Variants in MAPKAP1 observed in about 807,000 individuals in gnomAD.
The protein encoded by MAPKAP1 is target of rapamycin complex 2 subunit MAPKAP1.
Under a neutral mutation model 65.7 loss-of-function variants are expected in MAPKAP1, and 20 were observed. The ratio of observed to expected loss-of-function variants is 0.30; its 90% CI spans 0.21 to 0.44. The LOEUF (loss-of-function observed/expected upper bound fraction) is 0.44, where lower values mean the gene tolerates loss of function less well. Among genes scored for constraint, MAPKAP1 ranks in the 20% least tolerant of loss-of-function variants. The pLI is 1.00. For synonymous variants in MAPKAP1, 222 were observed against 244.3 expected (o/e 0.91, Z 0.85); for missense variants, 423 against 648.0 (o/e 0.65, Z 3.77).
chr9:125,571,226 G>A (rs897232709), intron 5 of MAPKAP1, among the ~76,000 whole-genome samples: 2 of 152,108 alleles, frequency 1.3e-5, no homozygotes, highest in Non-Finnish European at 2.9e-5. Context: ...CATTATAATT[G>A]TTATGTAAAA....
intron 4 of MAPKAP1, among the ~76,000 whole-genome samples, chr9:125,624,661 G>C (rs1326564780): frequency 1.5e-5 from 1 of 66,432 alleles, no homozygotes. Flanking sequence ...TCCGGGAGGT[G>C]AGGGGCGCCT....
intron 1 of MAPKAP1, among the ~76,000 whole-genome samples, chr9:125,695,215 T>C (rs2131861451): frequency 6.6e-6 from 1 of 152,336 alleles, no homozygotes; most frequent in East Asian, 1.9e-4. Flanking sequence ...CATACCAGCA[T>C]CTTAAGCAAA....
chr9:125,573,984 G>A (rs369217550), intron 5 of MAPKAP1, among the ~76,000 whole-genome samples: 7 of 152,130 alleles, frequency 4.6e-5, no homozygotes, highest in African/African-American at 7.2e-5. Context: ...TCCTGAAAGC[G>A]AGACCATGCC....
chr9:125,487,320 A>T (rs1854527558), intron 8 of MAPKAP1, among the ~76,000 whole-genome samples: 1 of 121,704 alleles, frequency 8.2e-6, no homozygotes, highest in Admixed American at 8.5e-5. Flanking sequence ...AGTTTCAAAT[A>T]ATCATTCACT....
intron 8 of MAPKAP1, among the ~76,000 whole-genome samples, chr9:125,495,433 G>A (rs1401460787): frequency 6.6e-6 from 1 of 152,140 alleles, no homozygotes; most frequent in Non-Finnish European, 1.5e-5. Flanking sequence ...CATCAAACAT[G>A]CTTCCTTACT....
At chr9:125,458,666 C>T (rs1452862733) in intron 10 of MAPKAP1, among the ~76,000 whole-genome samples, 154 of 150,496 alleles carry the variant, frequency 1.0e-3, no homozygotes, top group African/African-American at 3.5e-3. Flanking sequence ...TTTCCCCACC[C>T]CTCCCCCCTT....
intron 4 of MAPKAP1, chr9:125,596,240 C>A: frequency 1.3e-6 from 1 of 763,306 alleles, no homozygotes; most frequent in South Asian, 1.3e-5. Flanking sequence ...CTTCATCCAG[C>A]GAAAGAGGTC....
intron 4 of MAPKAP1, among the ~76,000 whole-genome samples, chr9:125,602,105 TAGAC>T (rs778438935): frequency 1.3e-5 from 2 of 151,818 alleles, no homozygotes; most frequent in Non-Finnish European, 2.9e-5. Flanking sequence ...ATTTAAAAAT[TAGAC>T]AGGTGTGACG....
chr9:125,511,998 T>A (rs1829315196), intron 7 of MAPKAP1, among the ~76,000 whole-genome samples: 1 of 152,230 alleles, frequency 6.6e-6, no homozygotes, highest in South Asian at 2.1e-4. Flanking sequence ...TTCCAAGTTA[T>A]AATACCCAGG....
intron 10 of MAPKAP1, among the ~76,000 whole-genome samples, chr9:125,457,002 T>A (rs1402854114): frequency 6.6e-6 from 1 of 151,886 alleles, no homozygotes; most frequent in African/African-American, 2.4e-5. Flanking sequence ...TTTTTTTTTT[T>A]TTTTGAGACA....
chr9:125,539,059 G>A (rs1328200528), intron 7 of MAPKAP1, among the ~76,000 whole-genome samples: 1 of 152,066 alleles, frequency 6.6e-6, no homozygotes, highest in African/African-American at 2.4e-5. Flanking sequence ...ACATTCTAGG[G>A]GTCTTGTGAA....
At chr9:125,644,671 A>G (rs955581663) in intron 4 of MAPKAP1, among the ~76,000 whole-genome samples, 1 of 152,214 alleles carries the variant, frequency 6.6e-6, no homozygotes, top group Non-Finnish European at 1.5e-5. Context: ...TTTAATGTGA[A>G]TAATAGCCTC....
At chr9:125,458,151 T>A (rs1363375115) in intron 10 of MAPKAP1, among the ~76,000 whole-genome samples, 1 of 152,180 alleles carries the variant, frequency 6.6e-6, no homozygotes, top group Non-Finnish European at 1.5e-5. Context: ...TTCAGTTTTC[T>A]CATCACTTAC....
chr9:125,458,223 T>A (rs1224616240), intron 10 of MAPKAP1, among the ~76,000 whole-genome samples: 1 of 152,000 alleles, frequency 6.6e-6, no homozygotes, highest in Non-Finnish European at 1.5e-5. Flanking sequence ...GAGTCTTTTT[T>A]TTTTTTTTTT....
At chr9:125,502,810 GTTGTT>G (rs1236153333) in intron 8 of MAPKAP1, among the ~76,000 whole-genome samples, 5 of 152,114 alleles carry the variant, frequency 3.3e-5, no homozygotes, top group Non-Finnish European at 5.9e-5. Flanking sequence ...AAGTTTAACT[GTTGTT>G]TTAAGTTTTC....
At chr9:125,561,784 G>C (rs141685295) in intron 5 of MAPKAP1, among the ~76,000 whole-genome samples, 118 of 152,298 alleles carry the variant, frequency 7.7e-4, no homozygotes, top group Admixed American at 2.6e-3. Flanking sequence ...AATATATGTA[G>C]TGTCTGGCAT....
chr9:125,612,449 G>A (rs1377970956), intron 4 of MAPKAP1, among the ~76,000 whole-genome samples: 1 of 151,908 alleles, frequency 6.6e-6, no homozygotes, highest in Non-Finnish European at 1.5e-5. Context: ...CTTTAATGGG[G>A]GGCGGCATGT....
chr9:125,625,255 T>TTAAA (rs1564589549), intron 4 of MAPKAP1, among the ~76,000 whole-genome samples: 31 of 64,688 alleles, frequency 4.8e-4, no homozygotes, highest in East Asian at 1.8e-3. Context: ...AATAAATAAA[T>TTAAA]AAAAAAAAAA....
At position 125,613,943 on chromosome 9, in the gene MAPKAP1, G is replaced by A. The variant is rs368153675; in HGVS notation, c.499-28216C>T. On this transcript the variant is annotated intron_variant, in intron 4 of 11. Coordinates refer to ENST00000265960, the MANE Select transcript of MAPKAP1 (RefSeq NM_001006617.3). Reference sequence around the variant, plus strand: ...CTCCCCAGTAGCTGGGACTACAGGCGCCCGCCACCACGCTCGGCTAATTTT... The same window carrying A: ...CTCCCCAGTAGCTGGGACTACAGGCACCCGCCACCACGCTCGGCTAATTTT... Among the ~76,000 whole-genome samples the A allele has an allele frequency of 1.2e-3, 178 of 152,034 alleles. 1 individual carries two copies. In the East Asian group the frequency reaches 0.029, roughly 24 times the overall value.
Sources: allele counts gnomAD v4.1 joint callset (sites outside exome capture counted in the v4.1 genomes callset), GRCh38; gene constraint gnomAD v4.1.1; transcripts MANE v1.5; gene names NCBI Gene and HGNC (gene_info 2026-07-23, HGNC 2026-07-21).